Variants in DSC3 observed in about 807,000 individuals in gnomAD.
DSC3 encodes desmocollin-3.
DSC3 carries 97 observed loss-of-function variants against 89.5 expected under a neutral mutation model. That is an observed-to-expected ratio of 1.08 (90% CI 0.92 to 1.28). DSC3 has a LOEUF of 1.28. DSC3 is among the 50% of genes most tolerant of loss of function. The pLI is 0.00. For synonymous variants in DSC3, 436 were observed against 384.1 expected, an observed-to-expected ratio of 1.14 and a Z score of -1.58; for missense variants, 1,199 against 1,085.3, an observed-to-expected ratio of 1.10 and a Z score of -1.47.
At chr18:31,013,181 G>A (rs1012651708) in intron 9 of DSC3, among the ~76,000 whole-genome samples, 1 of 152,082 alleles carries the variant, frequency 6.6e-6, no homozygotes. Context: ...CGGTACAAAA[G>A]AGAATGTCAA....
intron 4 of DSC3, 37 bp from the exon 5 acceptor site, chr18:31,025,952 C>G: frequency 6.3e-7 from 1 of 1,577,746 alleles, no homozygotes; most frequent in South Asian, 1.1e-5. Flanking sequence ...AAAATTAAAA[C>G]TAAATTCAGT....
chr18:31,016,318 TTACTC>T (rs1985235412), intron 9 of DSC3, among the ~76,000 whole-genome samples: 2 of 152,328 alleles, frequency 1.3e-5, no homozygotes, highest in East Asian at 1.9e-4. Flanking sequence ...TGCTTTCACT[TTACTC>T]TACTGTCTTG....
At position 31,024,401 on chromosome 18, in the gene DSC3, A is replaced by G; in HGVS notation, c.723T>C (p.Pro241=). 6.2e-7 allele frequency: 1 copy of G among 1,609,328 alleles called. No individual in the cohort carries two copies. Among genetic ancestry groups the G allele is most frequent in the Non-Finnish European group, 8.5e-7 (1 of 1,176,730 alleles). ...AATTATAAATTGCTTCTGTGAAAAC[A>G]GGGTGGTTGTCATTTTCATCCTCTA... The part of the protein sequence containing the change: ...IRVEDENDNH[P]VFTEAIYNFE... The change falls in exon 6 of 16, where the codon CCT becomes CCC. Residue 241 remains proline (P), a synonymous_variant. Coordinates refer to ENST00000360428, the MANE Select transcript of DSC3 (RefSeq NM_001941.5).
At chr18:31,008,665 G>A in intron 9 of DSC3, 140 bp from the exon 10 acceptor site, 1 of 1,137,094 alleles carries the variant, frequency 8.8e-7, no homozygotes, top group Non-Finnish European at 1.3e-6. Context: ...TTTATCCCTT[G>A]CTAAACAGAG....
chr18:31,022,347 A>T lies in DSC3; in HGVS notation c.931T>A (p.Leu311Met). The T allele has an allele frequency of 1.2e-6, 2 of 1,613,982 alleles. No individual in the cohort carries two copies. Among genetic ancestry groups the T allele is most frequent in the African/African-American group, 1.3e-5 (1 of 75,008 alleles). The change falls in exon 7 of 16, where the codon TTG becomes ATG. Residue 311 changes from leucine (L) to methionine (M), a missense_variant. Physicochemically the swap from Leu to Met is conservative, Grantham distance 15. Coordinates refer to ENST00000360428, the MANE Select transcript of DSC3 (RefSeq NM_001941.5). The part of the protein sequence containing the change: ...TGVITTVSHY[L>M]DREVVDKYSL... ...AGTGTGTGAGCTACCTCTCTGTCCA[A>T]ATAATGAGAGACTGTGGTGATTACG...
At chr18:30,998,057 A>C (rs996975446) in intron 14 of DSC3, among the ~76,000 whole-genome samples, 3 of 152,254 alleles carry the variant, frequency 2.0e-5, no homozygotes, top group Non-Finnish European at 4.4e-5. Context: ...AGGGACTGTG[A>C]AGAATTTTAA....
At chr18:31,038,750 A>C (rs1206065055) in intron 1 of DSC3, among the ~76,000 whole-genome samples, 1 of 152,150 alleles carries the variant, frequency 6.6e-6, no homozygotes, top group Non-Finnish European at 1.5e-5. Context: ...AATGAACATT[A>C]GGGTATTCAC....
intron 1 of DSC3, among the ~76,000 whole-genome samples, chr18:31,037,663 A>T (rs1209152463): frequency 6.6e-6 from 1 of 152,188 alleles, no homozygotes; most frequent in Non-Finnish European, 1.5e-5. Context: ...GCACTCTGGG[A>T]GGCCGAGGCA....
intron 1 of DSC3, among the ~76,000 whole-genome samples, chr18:31,041,787 C>G (rs1986140229): frequency 6.6e-6 from 1 of 152,124 alleles, no homozygotes; most frequent in South Asian, 2.1e-4. Flanking sequence ...TCCGTAGACT[C>G]GAAACCCCAG....
rs141615987 is a variant in DSC3, at chr18:31,001,089, G to GTGTATATATATA, written c.2235+528_2235+529insTATATATATACA. Among the ~76,000 whole-genome samples the GTGTATATATATA allele has an allele frequency of 2.2e-3, 278 of 125,978 alleles. 4 individuals carry two copies. Among genetic ancestry groups the GTGTATATATATA allele is most frequent in the East Asian group, 0.013 (42 of 3,306 alleles). 82.6% of individuals were successfully genotyped at this position (125,978 alleles called of 152,430 possible). On this transcript the variant is annotated intron_variant, in intron 14 of 15. Transcript: ENST00000360428. ...GTGTTTATATATACTTTGTGTGTGT[G>GTGTATATATATA]TATATATATATATATATATATATAC...
intron 14 of DSC3, among the ~76,000 whole-genome samples, chr18:31,001,083 G>A (rs1984639506): frequency 1.0e-5 from 1 of 99,964 alleles, no homozygotes; most frequent in African/African-American, 3.7e-5. Flanking sequence ...TATACTTTGT[G>A]TGTGTGTATA....
Position 31,004,497 on chromosome 18 carries a change from G to A in DSC3, c.1889-131C>T, listed in dbSNP as rs573979191. On this transcript the variant is annotated intron_variant, in intron 12 of 15. Coordinates refer to ENST00000360428, the MANE Select transcript of DSC3 (RefSeq NM_001941.5). ...TGCCAGATGAAAATAAATAAAAATG[G>A]AGGACTGTCTTCAACCCTTTCAAAC... The A allele has an allele frequency of 1.0e-5, 8 of 791,910 alleles. No homozygotes were observed. In the African/African-American group the frequency reaches 1.0e-4, roughly 10 times the overall value. The allele number at this position is 791,910 out of a possible 1,614,324, so 49.1% of individuals were successfully genotyped here.
At chr18:31,019,855 A>G (rs1453592278) in intron 7 of DSC3, among the ~76,000 whole-genome samples, 1 of 152,174 alleles carries the variant, frequency 6.6e-6, no homozygotes, top group Non-Finnish European at 1.5e-5. Flanking sequence ...AATGAGGACA[A>G]AGAGAAAGGA....
chr18:31,000,078 T>C (rs1211076475), intron 14 of DSC3, among the ~76,000 whole-genome samples: 2 of 152,114 alleles, frequency 1.3e-5, no homozygotes, highest in South Asian at 2.1e-4. Flanking sequence ...CACAGGTTTC[T>C]ACATGTAGGC....
chr18:31,040,112 A>G (rs1986086154), intron 1 of DSC3, among the ~76,000 whole-genome samples: 1 of 152,166 alleles, frequency 6.6e-6, no homozygotes. Flanking sequence ...TTATCAACAT[A>G]GGTTGCAGGC....
intron 7 of DSC3, among the ~76,000 whole-genome samples, 171 bp from the exon 8 acceptor site, chr18:31,018,971 A>G (rs981099610): frequency 6.6e-6 from 1 of 152,258 alleles, no homozygotes; most frequent in African/African-American, 2.4e-5. Flanking sequence ...ACAAGGATAA[A>G]GCTGAAGAGG....
intron 4 of DSC3, among the ~76,000 whole-genome samples, chr18:31,026,306 G>C (rs1985597468): frequency 7.2e-6 from 1 of 138,724 alleles, no homozygotes; most frequent in East Asian, 2.2e-4. Flanking sequence ...GAGATGAAGA[G>C]GTAATGAGGT....
At chr18:30,998,391 T>C (rs1398372134) in intron 14 of DSC3, among the ~76,000 whole-genome samples, 2 of 152,142 alleles carry the variant, frequency 1.3e-5, no homozygotes, top group African/African-American at 4.8e-5. Flanking sequence ...AAAGATGTGC[T>C]TATGGGCAAG....
rs1349539561 is a variant in DSC3, at chr18:31,042,697, G to C, written c.-37C>G. ...GCAGGGCCAGGAGAACGCGGGCGCC[G>C]GGAGGGTGCCGAGAGCGAGACCTGC... On this transcript the variant is annotated 5_prime_UTR_variant, in exon 1 of 16. Transcript: ENST00000360428. 6.5e-7 allele frequency: 1 copy of C among 1,540,694 alleles called. No individual in the cohort carries two copies. The highest frequency in any genetic ancestry group is 1.4e-5 in the African/African-American group (1 of 72,866).
Sources: gnomAD v4.1 joint callset for allele counts (sites outside exome capture counted in the v4.1 genomes callset) on GRCh38, gnomAD v4.1.1 for gene constraint, MANE v1.5 for transcripts, NCBI Gene and HGNC (gene_info 2026-07-23, HGNC 2026-07-21) for gene names.